The following NDRG4 variants were observed in gnomAD, a reference collection of about 807,000 sequenced individuals.
The protein encoded by NDRG4 is NDRG family member 4, also known as protein NDRG4.
NDRG4 carries 38 observed loss-of-function variants against 55.8 expected under a neutral mutation model. The ratio of observed to expected loss-of-function variants is 0.68; its 90% CI spans 0.53 to 0.89. NDRG4 has a LOEUF of 0.89. Ranked by LOEUF, NDRG4 falls within the 40% of genes least tolerant of loss-of-function variation. The pLI is 0.00. For synonymous variants in NDRG4, 190 were observed against 182.7 expected, an observed-to-expected ratio of 1.04 and a Z score of -0.32; for missense variants, 455 against 468.6, an observed-to-expected ratio of 0.97 and a Z score of 0.27.
intron 1 of NDRG4, among the ~76,000 whole-genome samples, chr16:58,473,679 T>C (rs2033186336): frequency 6.6e-6 from 1 of 152,118 alleles, no homozygotes; most frequent in Non-Finnish European, 1.5e-5. Flanking sequence ...TAGCTTTACC[T>C]TCAGAACATA....
At chr16:58,465,222 G>A (rs1475629031) in intron 1 of NDRG4, 3 of 716,830 alleles carry the variant, frequency 4.2e-6, no homozygotes, top group Non-Finnish European at 6.4e-6. Context: ...TATGTCAGAT[G>A]AGCACAGATT....
At chr16:58,514,767 GA>G (rs60036706), downstream of NDRG4, among the ~76,000 whole-genome samples, 3,727 of 131,068 alleles carry the variant, frequency 0.028, 159 homozygotes, top group East Asian at 0.24. Context: ...AAAAAAAAAG[GA>G]AAAAAAAAAA....
At chr16:58,463,823 G>T in intron 1 of NDRG4, 1 of 152,146 alleles carries the variant, frequency 6.6e-6, no homozygotes, top group South Asian at 2.0e-4. Context: ...CCTCGCCCCT[G>T]AGCCCAGGGC....
intron 1 of NDRG4, among the ~76,000 whole-genome samples, chr16:58,481,931 A>G (rs2034449012): frequency 6.6e-6 from 1 of 152,068 alleles, no homozygotes; most frequent in Non-Finnish European, 1.5e-5. Context: ...GTGATTCCCC[A>G]ATTTCCGGGG....
intron 1 of NDRG4, among the ~76,000 whole-genome samples, chr16:58,474,175 T>A (rs185642082): frequency 6.6e-6 from 1 of 152,056 alleles, no homozygotes; most frequent in African/African-American, 2.4e-5. Context: ...TAGCTGGGAT[T>A]ACAGGTGTGC....
intron 1 of NDRG4, among the ~76,000 whole-genome samples, chr16:58,467,867 C>G (rs1454655767): frequency 3.3e-5 from 5 of 152,216 alleles, no homozygotes; most frequent in African/African-American, 9.6e-5. Context: ...GTCCTCAGGC[C>G]GCCTCCCGAG....
chr16:58,484,748 G>T (rs1248385231), intron 1 of NDRG4, among the ~76,000 whole-genome samples: 3 of 152,018 alleles, frequency 2.0e-5, no homozygotes, highest in Non-Finnish European at 2.9e-5. Flanking sequence ...AGCCATTGCT[G>T]GCCACTTCAT....
Position 58,504,286 on chromosome 16 carries a change from G to A in NDRG4, c.248+12G>A. On this transcript the variant is annotated intron_variant, in intron 3 of 14. Transcript: ENST00000570248. ...CAGTTTCCTCAGGGGTAGGTACCCT[G>A]AGCCCCCTCTGCCTGTCTCCAGCTC... 1 of 1,614,042 alleles carries A rather than the reference G, an allele frequency of 6.2e-7. No homozygotes were observed. Among genetic ancestry groups the A allele is most frequent in the Non-Finnish European group, 8.5e-7 (1 of 1,179,992 alleles).
At chr16:58,487,476 C>T (rs1597164794) in intron 1 of NDRG4, among the ~76,000 whole-genome samples, 3 of 152,040 alleles carry the variant, frequency 2.0e-5, no homozygotes, top group South Asian at 2.1e-4. Context: ...GCCAAGATTA[C>T]GCCACTGCAC....
chr16:58,495,809 T>C (rs2151739703), upstream of NDRG4, among the ~76,000 whole-genome samples: 1 of 152,234 alleles, frequency 6.6e-6, no homozygotes, highest in East Asian at 1.9e-4. Flanking sequence ...CCAATGTACA[T>C]GTGCTCAGAT....
chr16:58,508,054 C>A, intron 10 of NDRG4, 55 bp downstream of exon 10: 1 of 1,452,166 alleles, frequency 6.9e-7, no homozygotes, highest in Non-Finnish European at 9.3e-7. Flanking sequence ...GAGGGGCTCA[C>A]TGGCCCCTGC....
rs934715189 is a variant in NDRG4, at chr16:58,487,963, A to G, written c.72+113A>G. ...ACCCTCCCTAGGGCCAGCCACACCG[A>G]GAAGCCCTGTCCCTGCCTGTGGGGG... On this transcript the variant is annotated intron_variant, in intron 2 of 15. Transcript: ENST00000258187. 5.3e-5 allele frequency: 40 copies of G among 759,110 alleles called. No homozygotes were observed. The South Asian group carries it at 9.0e-4, about 17-fold the overall frequency. The allele number at this position is 759,110 out of a possible 1,614,324, so 47.0% of individuals were successfully genotyped here.
At chr16:58,492,943 C>G (rs781782399) in intron 2 of NDRG4, among the ~76,000 whole-genome samples, 2 of 151,992 alleles carry the variant, frequency 1.3e-5, no homozygotes, top group Non-Finnish European at 2.9e-5. Context: ...AGGCCTGGAA[C>G]GAATCTGCAG....
At position 58,506,390 on chromosome 16, in the gene NDRG4, A is replaced by G. The variant is rs2038017958; in HGVS notation, c.376A>G (p.Ile126Val). The G allele has an allele frequency of 6.2e-7, 1 of 1,613,678 alleles. No individual in the cohort carries two copies. Among genetic ancestry groups the G allele is most frequent in the Non-Finnish European group, 8.5e-7 (1 of 1,179,950 alleles). The change falls in exon 6 of 15, where the codon ATC (isoleucine) becomes GTC (valine). Residue 126 changes from isoleucine to valine, a missense_variant. Coordinates refer to ENST00000570248, the MANE Select transcript of NDRG4 (RefSeq NM_001242835.2). ...GAYVLAKFALIFPDLVEGLVL... is the reference protein window; with the variant it reads ...GAYVLAKFALVFPDLVEGLVL... Reference sequence around the variant, plus strand: ...CCTGTTTCCCCTCTTACTGCAGCTCATCTTCCCCGACCTGGTGGAGGGGCT... The same window carrying G: ...CCTGTTTCCCCTCTTACTGCAGCTCGTCTTCCCCGACCTGGTGGAGGGGCT...
At chr16:58,502,629 A>C (rs1224303240) in intron 1 of NDRG4, among the ~76,000 whole-genome samples, 1 of 152,120 alleles carries the variant, frequency 6.6e-6, no homozygotes, top group East Asian at 1.9e-4. Flanking sequence ...GTTCTTTCTA[A>C]ACCAAAGTGT....
At chr16:58,469,415 G>A (rs957894877) in intron 1 of NDRG4, among the ~76,000 whole-genome samples, 3 of 152,072 alleles carry the variant, frequency 2.0e-5, no homozygotes, top group Admixed American at 6.6e-5. Context: ...TGTTCCTCTG[G>A]GTAGAGGATT....
Position 58,507,010 on chromosome 16 carries a change from C to G in NDRG4, c.615C>G (p.Tyr205Ter). The change falls in exon 8 of 15, where the codon TAC becomes TAG. Residue 205 changes from tyrosine (Y) to a stop codon, truncating the protein, a stop_gained. Transcript: ENST00000570248. LOFTEE classifies it high-confidence loss of function. Reference protein sequence around the residue: ...QANLQLFWNMYNSRRDLDINR... With the variant: ...QANLQLFWNM ...ACCTGCAGCTCTTCTGGAACATGTA[C>G]AACAGGTGCGGGTGGGATCAGCAGC... The G allele has an allele frequency of 6.2e-7, 1 of 1,612,810 alleles. No homozygotes were observed. The highest frequency in any genetic ancestry group is 8.5e-7 in the Non-Finnish European group (1 of 1,179,378).
At chr16:58,514,821 A>G (rs560501457), downstream of NDRG4, among the ~76,000 whole-genome samples, 1 of 150,014 alleles carries the variant, frequency 6.7e-6, no homozygotes, top group African/African-American at 2.5e-5. Flanking sequence ...TTCAAAACCC[A>G]TTCCTGTAAC....
upstream of NDRG4, among the ~76,000 whole-genome samples, chr16:58,498,198 G>C (rs886138463): frequency 6.6e-6 from 1 of 152,160 alleles, no homozygotes; most frequent in Non-Finnish European, 1.5e-5. Flanking sequence ...ATTGTGGGCA[G>C]AGGGCAGGGC....
Sources: gnomAD v4.1 joint callset for allele counts (sites outside exome capture counted in the v4.1 genomes callset) on GRCh38, gnomAD v4.1.1 for gene constraint, MANE v1.5 for transcripts, NCBI Gene and HGNC (gene_info 2026-07-23, HGNC 2026-07-21) for gene names.